Variants in EPG5 observed in about 807,000 individuals in gnomAD.
EPG5 encodes the protein ectopic P-granules 5 autophagy tethering factor, also known as ectopic P granules protein 5 homolog.
In EPG5, 159 loss-of-function variants were observed where a neutral mutation model predicts 302.7. The ratio of observed to expected loss-of-function variants is 0.53; its 90% confidence interval spans 0.46 to 0.60. The LOEUF (loss-of-function observed/expected upper bound fraction) is 0.60, where lower values mean the gene tolerates loss of function less well. Among genes scored for constraint, EPG5 ranks in the 20% least tolerant of loss-of-function variants. The pLI is 0.00. For synonymous variants in EPG5, 1,158 were observed against 1,136.8 expected (o/e 1.02, Z -0.37); for missense variants, 2,896 against 3,092.4 (o/e 0.94, Z 1.51).
At chr18:45,895,435 C>T (rs2049448940) in intron 27 of EPG5, among the ~76,000 whole-genome samples, 1 of 144,788 alleles carries the variant, frequency 6.9e-6, no homozygotes, top group African/African-American at 2.6e-5. Context: ...TGGAGTTATA[C>T]ACTCTCCAGA....
chr18:45,938,220 G>A (rs1412139499), intron 10 of EPG5, among the ~76,000 whole-genome samples: 1 of 152,140 alleles, frequency 6.6e-6, no homozygotes, highest in Non-Finnish European at 1.5e-5. Context: ...CAGCACTTTA[G>A]GAGGCTGAGC....
chr18:45,833,117 G>C, the EPG5 span, among the ~76,000 whole-genome samples: 1 of 152,044 alleles, frequency 6.6e-6, no homozygotes, highest in Non-Finnish European at 1.5e-5. Context: ...TTCAAAATTG[G>C]CTCTTGTCCT....
chr18:45,900,857 A>G, intron 26 of EPG5, 139 bp downstream of exon 26: 2 of 735,630 alleles, frequency 2.7e-6, no homozygotes, highest in Non-Finnish European at 4.2e-6. Context: ...TGGTTAACCA[A>G]GTGAACCGTC....
chr18:45,890,061 G>T, intron 27 of EPG5, 121 bp from the exon 28 acceptor site: 1 of 716,786 alleles, frequency 1.4e-6, no homozygotes, highest in Non-Finnish European at 2.2e-6. Flanking sequence ...CTCTTTATAT[G>T]ACTGCCTTAT....
In EPG5 at chr18:45,899,099, T is replaced by C. The variant is rs12954728; in HGVS notation, c.4809+305A>G. ...AAGATCGCGCCACTGCACTCCAGCC[T>C]GGGGACTCCGTTTCAAAAAACAAAC... On this transcript the variant is annotated intron_variant, in intron 27 of 43. Coordinates refer to ENST00000282041, the MANE Select transcript of EPG5 (RefSeq NM_020964.3). 0.18 allele frequency among the ~76,000 whole-genome samples: 26,873 copies of C among 152,064 alleles called. 2,645 individuals carry two copies. Among genetic ancestry groups the C allele is most frequent in the Admixed American group, 0.3 (4,625 of 15,268 alleles).
intron 11 of EPG5, among the ~76,000 whole-genome samples, chr18:45,932,363 T>C (rs1486821471): frequency 6.6e-6 from 1 of 152,190 alleles, no homozygotes; most frequent in African/African-American, 2.4e-5. Flanking sequence ...TTGATTAGAC[T>C]AGAAATAAAC....
At chr18:45,864,156 T>G (rs2048692651) in intron 39 of EPG5, among the ~76,000 whole-genome samples, 1 of 152,134 alleles carries the variant, frequency 6.6e-6, no homozygotes, top group Non-Finnish European at 1.5e-5. Flanking sequence ...CAGACTGGAG[T>G]GCAGTGGCTA....
chr18:45,860,488 A>C (rs2048611853), intron 39 of EPG5, 142 bp from the exon 40 acceptor site: 1 of 1,044,276 alleles, frequency 9.6e-7, no homozygotes, highest in Non-Finnish European at 1.4e-6. Flanking sequence ...GACTGGAAGG[A>C]AGGCTCTGGA....
intron 35 of EPG5, among the ~76,000 whole-genome samples, chr18:45,874,351 T>C (rs1186148933): frequency 2.0e-5 from 3 of 150,948 alleles, no homozygotes; most frequent in African/African-American, 7.3e-5. Flanking sequence ...AAACAAAAAA[T>C]AAAATCTATT....
intron 38 of EPG5, 92 bp from the exon 39 acceptor site, chr18:45,865,851 G>A: frequency 5.1e-6 from 7 of 1,380,868 alleles, no homozygotes; most frequent in Non-Finnish European, 6.9e-6. Context: ...TGCAATGAAT[G>A]CTTGGGTAGG....
chr18:45,876,410 T>G, intron 34 of EPG5, 68 bp from the exon 35 acceptor site: 2 of 1,334,240 alleles, frequency 1.5e-6, no homozygotes, highest in Non-Finnish European at 2.2e-6. Flanking sequence ...TCCCAGTGTC[T>G]AGGGCTGGCC....
chr18:45,907,839 C>T lies in EPG5; in HGVS notation c.4329+119G>A, dbSNP rs549412368. On this transcript the variant is annotated intron_variant, in intron 24 of 43. Coordinates refer to ENST00000282041, the MANE Select transcript of EPG5 (RefSeq NM_020964.3). ...ACTGACAAAACCATAGAAACAATGA[C>T]CATCTGAGTGACTACCCATTTTCTT... The T allele has an allele frequency of 6.3e-6, 6 of 957,240 alleles. No homozygotes were observed. The Admixed American group carries it at 1.7e-4, about 27-fold the overall frequency. 59.3% of individuals were successfully genotyped at this position (957,240 alleles called of 1,614,324 possible).
the EPG5 span, chr18:45,839,013 C>A: frequency 6.3e-7 from 1 of 1,589,400 alleles, no homozygotes. Context: ...CCTCGACGGT[C>A]GCCCTCCTGC....
At chr18:45,884,241 G>A (rs781695977) in intron 30 of EPG5, among the ~76,000 whole-genome samples, 4 of 152,116 alleles carry the variant, frequency 2.6e-5, no homozygotes, top group South Asian at 2.1e-4. Context: ...ATAGAAGTGC[G>A]AACCCTATTG....
At chr18:45,954,075 A>G in intron 2 of EPG5, 1 of 281,310 alleles carries the variant, frequency 3.6e-6, no homozygotes, top group Non-Finnish European at 5.4e-6. Flanking sequence ...CTAGATTTCT[A>G]GTTTTTCTTG....
intron 27 of EPG5, among the ~76,000 whole-genome samples, chr18:45,892,672 G>C (rs2049379166): frequency 6.6e-6 from 1 of 152,052 alleles, no homozygotes; most frequent in Non-Finnish European, 1.5e-5. Context: ...GCCTTCTACT[G>C]GGAAGAGAGA....
downstream of EPG5, among the ~76,000 whole-genome samples, chr18:45,847,081 GAGACATACCCCAC>G (rs202109467): frequency 5.9e-5 from 9 of 152,296 alleles, no homozygotes; most frequent in East Asian, 9.6e-4. Flanking sequence ...AAGGGTGAGG[GAGACATACCCCAC>G]TCCCAGAAAG....
intron 40 of EPG5, among the ~76,000 whole-genome samples, chr18:45,859,360 C>T (rs908941616): frequency 6.6e-6 from 1 of 152,186 alleles, no homozygotes; most frequent in African/African-American, 2.4e-5. Context: ...TGGTGACATG[C>T]ACACCACCTC....
chr18:45,850,691 C>CA lies in EPG5; in HGVS notation c.*1775dup, dbSNP rs1267040937. 3 of 152,340 alleles carry CA rather than the reference C, an allele frequency of 2.0e-5. No homozygotes were observed. Among genetic ancestry groups the CA allele is most frequent in the African/African-American group, 7.3e-5 (3 of 41,338 alleles). 9.4% of individuals were successfully genotyped at this position (152,340 alleles called of 1,614,324 possible). Reference sequence around the variant, plus strand: ...TTTATTTTTTATAATTTTTACAGACCAAAAAACATTATACAGATTAATCAT... The same window carrying CA: ...TTTATTTTTTATAATTTTTACAGACCAAAAAAACATTATACAGATTAATCAT... On this transcript the variant is annotated 3_prime_UTR_variant, in exon 44 of 44. Transcript: ENST00000282041.
Sources: allele counts gnomAD v4.1 joint callset (sites outside exome capture counted in the v4.1 genomes callset), GRCh38; gene constraint gnomAD v4.1.1; transcripts MANE v1.5; gene names NCBI Gene and HGNC (gene_info 2026-07-23, HGNC 2026-07-21).